RAI2: variants seen among roughly 807,000 people sequenced by gnomAD.
RAI2 encodes the protein retinoic acid induced 2, also known as retinoic acid-induced protein 2.
A neutral mutation model predicts 15.3 loss-of-function variants in RAI2; 5 were observed. The observed-to-expected ratio is 0.33, with a 90% CI of 0.17 to 0.69. The LOEUF is 0.69. RAI2 is among the 30% of genes least tolerant of loss of function. The pLI is 0.69. For missense variants in RAI2, 424 were observed against 424.7 expected, an observed-to-expected ratio of 1.00 and a Z score of 0.01; for synonymous variants, 191 against 184.0, an observed-to-expected ratio of 1.04 and a Z score of -0.31.
At chrX:17,821,416 G>T (rs2067163275) in intron 1 of RAI2, among the ~76,000 whole-genome samples, 1 of 110,884 alleles carries the variant, frequency 9.0e-6, no homozygotes, top group African/African-American at 3.3e-5. Flanking sequence ...CAGGGAGCAG[G>T]GTGTGGGGAA....
At chrX:17,842,036 C>T (rs1264880158) in intron 1 of RAI2, among the ~76,000 whole-genome samples, 1 of 111,921 alleles carries the variant, frequency 8.9e-6, no homozygotes, top group Non-Finnish European at 1.9e-5. Flanking sequence ...TTGGATCTCT[C>T]CTGTGTACTA....
At chrX:17,855,721 G>C (rs771878713) in intron 1 of RAI2, among the ~76,000 whole-genome samples, 4 of 111,653 alleles carry the variant, frequency 3.6e-5, no homozygotes, top group Non-Finnish European at 7.5e-5. Flanking sequence ...CTGTCTAATA[G>C]AAATGTTTAT....
At chrX:17,843,666 T>C (rs1176840008) in intron 1 of RAI2, among the ~76,000 whole-genome samples, 2 of 112,552 alleles carry the variant, frequency 1.8e-5, no homozygotes, top group African/African-American at 6.5e-5. Flanking sequence ...CATAAGATTC[T>C]ATTTCCTGCT....
intron 1 of RAI2, among the ~76,000 whole-genome samples, chrX:17,852,283 C>T (rs1334385351): frequency 3.6e-5 from 4 of 112,234 alleles, no homozygotes; most frequent in Non-Finnish European, 5.6e-5. Flanking sequence ...AATGAAGTGT[C>T]GCTGGCTTGC....
chrX:17,831,471 C>A (rs942874643), intron 1 of RAI2, among the ~76,000 whole-genome samples: 1 of 112,127 alleles, frequency 8.9e-6, no homozygotes, highest in African/African-American at 3.2e-5. Context: ...TGTAAAACAA[C>A]ACGCAGAAAA....
In RAI2 at chrX:17,840,330, C is replaced by A. The variant is rs952829825; in HGVS notation, c.-25+20768G>T. On this transcript the variant is annotated intron_variant, in intron 1 of 1. Coordinates refer to ENST00000451717, the MANE Select transcript of RAI2 (RefSeq NM_021785.6). ...CATCATCAACAAGCCTCATTGAGAG[C>A]CTACTCAATGCCACCCTCTGTGCCA... Among the ~76,000 whole-genome samples, 5 of 111,033 alleles carry A rather than the reference C, an allele frequency of 4.5e-5. 1 individual carries two copies. The South Asian group carries it at 1.2e-3, about 26-fold the overall frequency.
intron 1 of RAI2, among the ~76,000 whole-genome samples, chrX:17,838,912 C>T (rs753658689): frequency 2.1e-4 from 23 of 112,138 alleles, no homozygotes; most frequent in Middle Eastern, 9.2e-3. Flanking sequence ...ATGCTCATAC[C>T]ACAAGGGATC....
intron 1 of RAI2, among the ~76,000 whole-genome samples, chrX:17,803,233 TAAAC>T (rs772977481): frequency 3.0e-4 from 33 of 110,860 alleles, no homozygotes; most frequent in African/African-American, 9.8e-4. Flanking sequence ...GGGCTAGAAA[TAAAC>T]AAACGAGGCT....
intron 1 of RAI2, among the ~76,000 whole-genome samples, chrX:17,855,406 G>A (rs1423869765): frequency 1.8e-5 from 2 of 111,579 alleles, no homozygotes; most frequent in Non-Finnish European, 3.8e-5. Flanking sequence ...GGGTGGGTGG[G>A]GTCGAGGAAA....
intron 1 of RAI2, among the ~76,000 whole-genome samples, chrX:17,819,079 C>G (rs1238302902): frequency 8.9e-6 from 1 of 112,066 alleles, no homozygotes; most frequent in African/African-American, 3.2e-5. Flanking sequence ...GTTCCCCGCT[C>G]TAGGGCTTCG....
At position 17,801,961 on chromosome X, in the gene RAI2, G is replaced by A. The variant is rs2066919329; in HGVS notation, c.50C>T (p.Pro17Leu). ...CAGTCTGTTATTAGCCAAGGCAGGAGGGGAGTCAGTCATGTCCATGGAGAG... is the reference window on the plus strand; with the variant it reads ...CAGTCTGTTATTAGCCAAGGCAGGAAGGGAGTCAGTCATGTCCATGGAGAG... The part of the protein sequence containing the change: ...QNLSMDMTDS[P>L]PALANNRLEN... Residue 17 changes from proline (P) to leucine (L), a missense_variant, in exon 2 of 2, where the codon CCT (proline) becomes CTT (leucine). Physicochemically the swap from Pro to Leu is moderately conservative, Grantham distance 98. Coordinates refer to ENST00000451717, the MANE Select transcript of RAI2 (RefSeq NM_021785.6). 5.0e-6 allele frequency: 6 copies of A among 1,211,046 alleles called. No homozygotes were observed. The highest frequency in any genetic ancestry group is 6.7e-6 in the Non-Finnish European group (6 of 894,927).
At chrX:17,852,719 G>T (rs1028629393) in intron 1 of RAI2, among the ~76,000 whole-genome samples, 6 of 112,306 alleles carry the variant, frequency 5.3e-5, no homozygotes, top group African/African-American at 1.9e-4. Flanking sequence ...TTCATCTGCT[G>T]TTGCTGCCTG....
At chrX:17,815,673 G>A (rs1569345934) in intron 1 of RAI2, among the ~76,000 whole-genome samples, 1 of 111,758 alleles carries the variant, frequency 8.9e-6, no homozygotes, top group South Asian at 3.8e-4. Context: ...GGCTGGTGAG[G>A]CTTAGCGGAG....
At chrX:17,856,042 A>C (rs2067598782) in intron 1 of RAI2, among the ~76,000 whole-genome samples, 1 of 112,116 alleles carries the variant, frequency 8.9e-6, no homozygotes, top group Admixed American at 9.4e-5. Flanking sequence ...AGAAAGTTTT[A>C]TTAGACAGTG....
intron 1 of RAI2, among the ~76,000 whole-genome samples, chrX:17,815,129 G>A (rs2067091421): frequency 9.0e-6 from 1 of 111,262 alleles, no homozygotes. Context: ...AAAACTCACT[G>A]TATGTGTCCT....
chrX:17,824,406 C>A (rs772095477), intron 1 of RAI2, among the ~76,000 whole-genome samples: 12 of 112,354 alleles, frequency 1.1e-4, no homozygotes, highest in African/African-American at 3.2e-4. Flanking sequence ...AAGGACCATA[C>A]CTTTTTCTTT....
chrX:17,841,962 C>T (rs2067402936), intron 1 of RAI2, among the ~76,000 whole-genome samples: 1 of 112,130 alleles, frequency 8.9e-6, no homozygotes, highest in East Asian at 2.8e-4. Context: ...TCTAGGGCCC[C>T]AAGGGCTCTT....
At chrX:17,813,758 G>A (rs774106208) in intron 1 of RAI2, among the ~76,000 whole-genome samples, 28 of 111,706 alleles carry the variant, frequency 2.5e-4, no homozygotes, top group African/African-American at 9.1e-4. Flanking sequence ...AAGTTGTCCA[G>A]GGCCCTGTTA....
At chrX:17,802,903 G>A (rs746415592) in intron 1 of RAI2, among the ~76,000 whole-genome samples, 35 of 111,748 alleles carry the variant, frequency 3.1e-4, no homozygotes, top group Non-Finnish European at 5.8e-4. Context: ...GGCACCTAGC[G>A]CGTGTGCTTC....
Sources: allele counts gnomAD v4.1 joint callset (sites outside exome capture counted in the v4.1 genomes callset), GRCh38; gene constraint gnomAD v4.1.1; transcripts MANE v1.5; gene names NCBI Gene and HGNC (gene_info 2026-07-23, HGNC 2026-07-21).